Variants in USH2A observed in about 807,000 individuals in gnomAD.
USH2A encodes the protein usherin, also known as Usher syndrome 2A (autosomal recessive, mild).
Under a neutral mutation model 538.9 loss-of-function variants are expected in USH2A, and 443 were observed. The ratio of observed to expected loss-of-function variants is 0.82; its 90% CI spans 0.76 to 0.89. The LOEUF (loss-of-function observed/expected upper bound fraction) is 0.89, where lower values mean the gene tolerates loss of function less well. USH2A is among the 40% of genes least tolerant of loss of function. USH2A has a pLI of 0.00. For missense variants in USH2A, 6,633 were observed against 6,324.8 expected (o/e 1.05, Z -1.65); for synonymous variants, 2,413 against 2,273.5 (o/e 1.06, Z -1.75).
intron 32 of USH2A, 129 bp downstream of exon 32, chr1:216,046,302 C>T: frequency 2.1e-6 from 2 of 954,988 alleles, no homozygotes; most frequent in Non-Finnish European, 3.2e-6. Context: ...TTATTTTTTT[C>T]ACATATTTCC....
chr1:215,915,163 T>C (rs1665920398), intron 38 of USH2A, among the ~76,000 whole-genome samples: 1 of 152,028 alleles, frequency 6.6e-6, no homozygotes, highest in African/African-American at 2.4e-5. Flanking sequence ...ACACAAGTAA[T>C]GAGGGGTTTG....
At chr1:215,773,968 C>T (rs765952838) in intron 55 of USH2A, among the ~76,000 whole-genome samples, 28 of 152,112 alleles carry the variant, frequency 1.8e-4, no homozygotes, top group Admixed American at 6.5e-4. Flanking sequence ...AGGATTATTT[C>T]GGGAGTTCAC....
At chr1:215,650,508 A>G in intron 65 of USH2A, 84 bp downstream of exon 65, 1 of 1,541,352 alleles carries the variant, frequency 6.5e-7, no homozygotes, top group Non-Finnish European at 8.9e-7. Context: ...AGATGGAGGG[A>G]AAAACAAAAA....
intron 50 of USH2A, among the ~76,000 whole-genome samples, chr1:215,796,813 G>A (rs976663068): frequency 6.6e-6 from 1 of 152,150 alleles, no homozygotes; most frequent in Admixed American, 6.5e-5. Context: ...AGTTAGCCCA[G>A]TTATGCATGC....
intron 19 of USH2A, among the ~76,000 whole-genome samples, chr1:216,190,745 G>T (rs149634842): frequency 1.3e-5 from 2 of 152,048 alleles, no homozygotes; most frequent in East Asian, 3.9e-4. Flanking sequence ...AAGTAACCCA[G>T]AGCAGTAATA....
chr1:216,422,290 AC>A lies in USH2A; in HGVS notation c.46del (p.Val16SerfsTer5). 6.2e-7 allele frequency: 1 copy of A among 1,613,798 alleles called. No individual in the cohort carries two copies. The highest frequency in any genetic ancestry group is 8.5e-7 in the Non-Finnish European group (1 of 1,179,822). ...ATAGGCAAAGATCAACATTTCAATGACCTGAAACAAGAAGCCAGAGCCCAAT... is the reference window on the plus strand; with the variant it reads ...ATAGGCAAAGATCAACATTTCAATGACTGAAACAAGAAGCCAGAGCCCAAT... The part of the protein sequence containing the change: ...LSLGSGFLFQ[V>X]IEMLIFAYFA... On this transcript the variant is annotated frameshift_variant, in exon 2 of 72. Coordinates refer to ENST00000307340, the MANE Select transcript of USH2A (RefSeq NM_206933.4). LOFTEE classifies it high-confidence loss of function.
Position 215,674,471 on chromosome 1 carries a change from C to A in USH2A, c.13440G>T (p.Arg4480Ser), listed in dbSNP as rs111033378. The A allele has an allele frequency of 6.2e-7, 1 of 1,614,160 alleles. No homozygotes were observed. The highest frequency in any genetic ancestry group is 1.1e-5 in the South Asian group (1 of 91,080). ...CTGTATATACAATGGTTCCATCCCTCCTAAGTTCATAACTTCTGATCTGGC... is the reference window on the plus strand; with the variant it reads ...CTGTATATACAATGGTTCCATCCCTACTAAGTTCATAACTTCTGATCTGGC... The part of the protein sequence containing the change: ...PNGQIRSYEL[R>S]RDGTIVYTGL... The change falls in exon 63 of 72, where the codon AGG becomes AGT. Residue 4480 changes from arginine to serine, a missense_variant. Arg to Ser is a moderately radical substitution (Grantham distance 110). Transcript: ENST00000307340.
At chr1:216,240,009 T>TAAAAA (rs1168131823) in intron 13 of USH2A, among the ~76,000 whole-genome samples, 1 of 8,562 alleles carries the variant, frequency 1.2e-4, no homozygotes, top group Non-Finnish European at 2.3e-4. Context: ...AGAGATGAAA[T>TAAAAA]AAACAAAAAA....
At position 216,269,876 on chromosome 1, in the gene USH2A, A is replaced by C. The variant is rs565241324; in HGVS notation, c.1972-18778T>G. ...GAGTTTGGTGGGAAGGTTACTGACA[A>C]CAGAAAAGAGTAAGATCCTGCAATA... is the stretch of plus-strand genomic sequence containing the variant. On this transcript the variant is annotated intron_variant, in intron 11 of 71. Transcript: ENST00000307340. 1.0e-3 allele frequency among the ~76,000 whole-genome samples: 153 copies of C among 152,210 alleles called. 1 individual carries two copies. The highest frequency in any genetic ancestry group is 3.5e-3 in the African/African-American group (145 of 41,568).
At position 215,625,806 on chromosome 1, in the gene USH2A, G is replaced by C. The variant is rs915038916; in HGVS notation, c.15584C>G (p.Thr5195Ser). The part of the protein sequence containing the change: ...KDFSSVTKER[T>S]TFTDTHL The stretch of plus-strand genomic sequence containing the variant: ...TTACAGGTGGGTGTCTGTGAATGTG[G>C]TGCGTTCCTTAGTCACTGAGCTGAA... Residue 5195 changes from threonine to serine, a missense_variant, in exon 72 of 72, where the codon ACC becomes AGC. By Grantham distance (58) the Thr-to-Ser change is moderately conservative. Coordinates refer to ENST00000307340, the MANE Select transcript of USH2A (RefSeq NM_206933.4). 1 of 1,614,076 alleles carries C rather than the reference G, an allele frequency of 6.2e-7. No homozygotes were observed.
chr1:216,241,875 C>T (rs146261366), intron 13 of USH2A, among the ~76,000 whole-genome samples: 356 of 152,226 alleles, frequency 2.3e-3, no homozygotes, highest in African/African-American at 7.9e-3. Flanking sequence ...TAAGTACAGA[C>T]GCAACAAAAC....
chr1:215,724,210 T>C (rs1292432668), intron 61 of USH2A, among the ~76,000 whole-genome samples: 1 of 121,760 alleles, frequency 8.2e-6, no homozygotes, highest in Non-Finnish European at 1.7e-5. Context: ...TGGATATATA[T>C]AGAATGTGAA....
chr1:215,978,537 A>C (rs768069731), intron 35 of USH2A, among the ~76,000 whole-genome samples: 17 of 152,320 alleles, frequency 1.1e-4, no homozygotes, highest in South Asian at 4.1e-4. Context: ...TATTTTGGGA[A>C]GTAAGAACAG....
At chr1:216,062,248 C>T (rs573598997) in intron 30 of USH2A, among the ~76,000 whole-genome samples, 1 of 152,124 alleles carries the variant, frequency 6.6e-6, no homozygotes, top group African/African-American at 2.4e-5. Context: ...AACTTGGAAT[C>T]CACTAAGTAA....
chr1:216,158,531 G>C (rs1403127449), intron 21 of USH2A, among the ~76,000 whole-genome samples: 2 of 152,090 alleles, frequency 1.3e-5, no homozygotes, highest in Admixed American at 1.3e-4. Context: ...ACTGTGCCCT[G>C]CATATATATG....
intron 61 of USH2A, among the ~76,000 whole-genome samples, chr1:215,696,995 C>T (rs191419530): frequency 3.4e-4 from 52 of 152,130 alleles, no homozygotes; most frequent in Non-Finnish European, 4.6e-4. Flanking sequence ...CTTTGACACT[C>T]AGGCTGGGGT....
intron 56 of USH2A, among the ~76,000 whole-genome samples, chr1:215,762,673 A>G (rs1661012454): frequency 1.3e-5 from 2 of 152,168 alleles, no homozygotes; most frequent in Non-Finnish European, 2.9e-5. Context: ...AGATATATTA[A>G]TGAGTCCGAG....
At chr1:216,321,742 A>G (rs1187793207) in intron 9 of USH2A, 141 bp downstream of exon 9, 1 of 742,218 alleles carries the variant, frequency 1.3e-6, no homozygotes, top group African/African-American at 1.8e-5. Context: ...TTCTTAAAAA[A>G]TCTGCAATAA....
chr1:216,156,361 C>T (rs1247062107), intron 21 of USH2A, among the ~76,000 whole-genome samples: 3 of 138,164 alleles, frequency 2.2e-5, no homozygotes, highest in African/African-American at 8.3e-5. Flanking sequence ...CTTCACTAAT[C>T]CTCTAGACTG....
Sources: allele counts gnomAD v4.1 joint callset (sites outside exome capture counted in the v4.1 genomes callset), GRCh38; gene constraint gnomAD v4.1.1; transcripts MANE v1.5; gene names NCBI Gene and HGNC (gene_info 2026-07-23, HGNC 2026-07-21).